ZNF704: variants seen among roughly 807,000 people sequenced by gnomAD.
The protein encoded by ZNF704 is zinc finger protein 704, also known as glucocorticoid induced gene 1.
ZNF704 carries 10 observed loss-of-function variants against 44.7 expected under a neutral mutation model. The observed-to-expected ratio is 0.22, with a 90% confidence interval of 0.14 to 0.38. The LOEUF (loss-of-function observed/expected upper bound fraction) is 0.38, where lower values mean the gene tolerates loss of function less well. Ranked by LOEUF, ZNF704 falls within the 10% of genes least tolerant of loss-of-function variation. The pLI, the probability that ZNF704 is intolerant of heterozygous loss-of-function variation, is 1.00. For missense variants in ZNF704, 390 were observed against 545.5 expected (o/e 0.71, Z 2.84); for synonymous variants, 211 against 207.6 (o/e 1.02, Z -0.14).
chr8:80,690,060 TAAA>T (rs376882889), intron 3 of ZNF704, among the ~76,000 whole-genome samples: 22 of 137,306 alleles, frequency 1.6e-4, no homozygotes, highest in African/African-American at 5.6e-4. Flanking sequence ...CTTTTTTTCC[TAAA>T]AAAAAAAAAA....
intron 2 of ZNF704, 58 bp from the exon 3 acceptor site, chr8:80,693,165 C>T: frequency 1.4e-6 from 2 of 1,411,192 alleles, no homozygotes; most frequent in South Asian, 2.3e-5. Flanking sequence ...GTGGGCCACA[C>T]AAGGTGTGAC....
At chr8:80,860,504 T>C (rs1303912869) in intron 1 of ZNF704, among the ~76,000 whole-genome samples, 1 of 152,254 alleles carries the variant, frequency 6.6e-6, no homozygotes, top group Non-Finnish European at 1.5e-5. Flanking sequence ...CCTGTTGTTT[T>C]AGGGTATTGT....
rs1462691726 is a variant in ZNF704, at chr8:80,631,624, C to T, written c.*9742G>A. ...TATTAGCCTCGCACGTGGAGAGGAC[C>T]GGTAGGGTTGGTGACTTGCACGGCG... On this transcript the variant is annotated 3_prime_UTR_variant, in exon 9 of 9. Coordinates refer to ENST00000327835, the MANE Select transcript of ZNF704 (RefSeq NM_001033723.3). 1.3e-5 allele frequency: 2 copies of T among 152,190 alleles called. No homozygotes were observed. Among genetic ancestry groups the T allele is most frequent in the Admixed American group, 6.5e-5 (1 of 15,274 alleles). 9.4% of individuals were successfully genotyped at this position (152,190 alleles called of 1,614,324 possible).
At chr8:80,822,209 GTGC>G (rs1331639598) in intron 1 of ZNF704, among the ~76,000 whole-genome samples, 1 of 151,978 alleles carries the variant, frequency 6.6e-6, no homozygotes, top group African/African-American at 2.4e-5. Flanking sequence ...CCATGTTGGT[GTGC>G]TGCACCCGTT....
At chr8:80,716,997 T>A (rs1819081951) in intron 2 of ZNF704, among the ~76,000 whole-genome samples, 1 of 152,228 alleles carries the variant, frequency 6.6e-6, no homozygotes, top group African/African-American at 2.4e-5. Context: ...AAACACTGCT[T>A]AAACTTTATC....
In ZNF704 at chr8:80,629,569, G is replaced by A. The variant is rs929598704; in HGVS notation, c.*11797C>T. 1 of 152,096 alleles carries A rather than the reference G, an allele frequency of 6.6e-6. No individual in the cohort carries two copies. Among genetic ancestry groups the A allele is most frequent in the South Asian group, 2.1e-4 (1 of 4,826 alleles). The allele number at this position is 152,096 out of a possible 1,614,324, so 9.4% of individuals were successfully genotyped here. A position where few individuals can be genotyped will look rare whatever the true frequency, so the allele number is the denominator to read the frequency against. Reference sequence around the variant, plus strand: ...TGTAGTAAAGCACTGATTAAAGAGCGAAGACAAATTATTAGGGGAAAAAGT... The same window carrying A: ...TGTAGTAAAGCACTGATTAAAGAGCAAAGACAAATTATTAGGGGAAAAAGT... On this transcript the variant is annotated 3_prime_UTR_variant, in exon 9 of 9. Coordinates refer to ENST00000327835, the MANE Select transcript of ZNF704 (RefSeq NM_001033723.3).
intron 1 of ZNF704, among the ~76,000 whole-genome samples, chr8:80,846,511 C>A (rs898774968): frequency 6.6e-6 from 1 of 151,998 alleles, no homozygotes; most frequent in Admixed American, 6.6e-5. Flanking sequence ...TGGGGAAGGA[C>A]TCTTTAAAGT....
chr8:80,881,943 T>TA, the ZNF704 span, among the ~76,000 whole-genome samples: 1 of 151,694 alleles, frequency 6.6e-6, no homozygotes, highest in East Asian at 1.9e-4. Flanking sequence ...TAATAACAAT[T>TA]AAAAAAAGTG....
intron 1 of ZNF704, among the ~76,000 whole-genome samples, chr8:80,824,751 G>C (rs553852772): frequency 6.6e-6 from 1 of 152,354 alleles, no homozygotes; most frequent in South Asian, 2.1e-4. Flanking sequence ...AAAGCCAGAA[G>C]AGAGTGGGAG....
intron 2 of ZNF704, among the ~76,000 whole-genome samples, chr8:80,762,867 T>C (rs1329804186): frequency 6.6e-6 from 1 of 152,210 alleles, no homozygotes; most frequent in Non-Finnish European, 1.5e-5. Context: ...ATTGGATAAA[T>C]GCTCCCATTC....
At chr8:80,846,668 A>T (rs1021272406) in intron 1 of ZNF704, among the ~76,000 whole-genome samples, 5 of 152,206 alleles carry the variant, frequency 3.3e-5, no homozygotes, top group African/African-American at 1.2e-4. Flanking sequence ...GTTGGACTTA[A>T]AACTTCTCCA....
At chr8:80,832,543 T>A (rs986380714) in intron 1 of ZNF704, among the ~76,000 whole-genome samples, 1 of 152,158 alleles carries the variant, frequency 6.6e-6, no homozygotes, top group East Asian at 1.9e-4. Flanking sequence ...TTGGAAACTG[T>A]CCTCAGTTAC....
At chr8:80,681,701 T>A (rs1818456451) in intron 4 of ZNF704, among the ~76,000 whole-genome samples, 2 of 152,196 alleles carry the variant, frequency 1.3e-5, no homozygotes, top group Admixed American at 1.3e-4. Context: ...TTAACAGAAA[T>A]CCCTAGTCAT....
chr8:80,683,607 A>G (rs1217243819), intron 4 of ZNF704, among the ~76,000 whole-genome samples: 1 of 152,192 alleles, frequency 6.6e-6, no homozygotes, highest in East Asian at 1.9e-4. Flanking sequence ...TATAAGCTAC[A>G]CAACCTTGGA....
At chr8:80,731,178 T>C (rs1585987025) in intron 2 of ZNF704, among the ~76,000 whole-genome samples, 1 of 152,214 alleles carries the variant, frequency 6.6e-6, no homozygotes, top group East Asian at 1.9e-4. Flanking sequence ...TGTTTAATAA[T>C]CCATACCAAA....
intron 2 of ZNF704, chr8:80,814,234 G>A (rs573874063): frequency 6.6e-6 from 1 of 152,288 alleles, no homozygotes; most frequent in Admixed American, 6.5e-5. Flanking sequence ...ACAGGTAACG[G>A]AGGACATTAA....
rs1406380733 is a variant in ZNF704, at chr8:80,636,424, G to C, written c.*4942C>G. The C allele has an allele frequency of 6.6e-6, 1 of 152,158 alleles. No homozygotes were observed. The highest frequency in any genetic ancestry group is 1.5e-5 in the Non-Finnish European group (1 of 68,036). The allele number at this position is 152,158 out of a possible 1,614,324, so 9.4% of individuals were successfully genotyped here. On this transcript the variant is annotated 3_prime_UTR_variant, in exon 9 of 9. Transcript: ENST00000327835. The stretch of plus-strand genomic sequence containing the variant: ...AAAGTCAGTCATAATAAGCAAACCA[G>C]TTGGTCTTAAATACATTTTATACTT...
intron 1 of ZNF704, among the ~76,000 whole-genome samples, chr8:80,826,669 T>A (rs1418855053): frequency 2.0e-5 from 3 of 151,886 alleles, no homozygotes; most frequent in Non-Finnish European, 2.9e-5. Context: ...AATGCAAAAA[T>A]CCTCAGTAAA....
chr8:80,729,534 A>G (rs919667292), intron 2 of ZNF704, among the ~76,000 whole-genome samples: 1 of 152,216 alleles, frequency 6.6e-6, no homozygotes, highest in African/African-American at 2.4e-5. Flanking sequence ...GAAACCTGGC[A>G]TCCTCTTCTT....
Sources: allele counts gnomAD v4.1 joint callset (sites outside exome capture counted in the v4.1 genomes callset), GRCh38; gene constraint gnomAD v4.1.1; transcripts MANE v1.5; gene names NCBI Gene and HGNC (gene_info 2026-07-23, HGNC 2026-07-21).